The following MYO6 variants were observed in gnomAD, a reference collection of about 807,000 sequenced individuals.
MYO6 encodes unconventional myosin-VI.
Under a neutral mutation model 178.7 loss-of-function variants are expected in MYO6, and 74 were observed. The ratio of observed to expected loss-of-function variants is 0.41; its 90% CI spans 0.34 to 0.50. The LOEUF (loss-of-function observed/expected upper bound fraction) is 0.50. Among genes scored for constraint, MYO6 ranks in the 20% least tolerant of loss-of-function variants. The probability of loss-of-function intolerance (pLI) is 0.09; values close to 1 mark genes in which losing one functional copy is unlikely to be tolerated. For missense variants in MYO6, 1,330 were observed against 1,547.4 expected (o/e 0.86, Z 2.36); for synonymous variants, 477 against 504.6 (o/e 0.95, Z 0.73).
Position 75,851,674 on chromosome 6 carries a change from G to A in MYO6, c.1078+3143G>A, listed in dbSNP as rs1487766424. Among the ~76,000 whole-genome samples the A allele has an allele frequency of 9.3e-5, 14 of 150,530 alleles. No individual in the cohort carries two copies. The South Asian group carries it at 1.3e-3, about 14-fold the overall frequency. On this transcript the variant is annotated intron_variant, in intron 11 of 34. Coordinates refer to ENST00000369977, the MANE Select transcript of MYO6 (RefSeq NM_004999.4). ...AAACCCCCAAAACACACACACAAAC[G>A]CACACACACACACAAAATAAATTAG...
rs1774123009 is a variant in MYO6, at chr6:75,840,590, C to G, written c.559C>G (p.Pro187Ala). Residue 187 changes from proline to alanine, a missense_variant, in exon 8 of 35, where the codon CCA becomes GCA. By Grantham distance (27) the Pro-to-Ala change is conservative. Coordinates refer to ENST00000369977, the MANE Select transcript of MYO6 (RefSeq NM_004999.4). ...ATTTTTTTGTTTCTCAATAGCTAAC[C>G]CACTCCTAGAAGCCTTTGGAAATGC... ...DIDDRIVEAN[P>A]LLEAFGNAKT... 1 of 1,612,718 alleles carries G rather than the reference C, an allele frequency of 6.2e-7. No individual in the cohort carries two copies. The highest frequency in any genetic ancestry group is 8.5e-7 in the Non-Finnish European group (1 of 1,179,018).
chr6:75,884,252 A>G (rs1199465992), intron 23 of MYO6, among the ~76,000 whole-genome samples: 4 of 152,186 alleles, frequency 2.6e-5, no homozygotes, highest in Admixed American at 2.6e-4. Context: ...GAAGTTAAGT[A>G]GATTTCTTTG....
chr6:75,776,942 T>C (rs747363919), intron 1 of MYO6, among the ~76,000 whole-genome samples: 18 of 152,202 alleles, frequency 1.2e-4, no homozygotes, highest in Non-Finnish European at 1.9e-4. Flanking sequence ...CACCTTACTT[T>C]AAAAAATTAT....
In MYO6 at chr6:75,857,198, GT is replaced by G; in HGVS notation, c.1329del (p.Pro444LeufsTer12). On this transcript the variant is annotated frameshift_variant, in exon 13 of 35. Coordinates refer to ENST00000369977, the MANE Select transcript of MYO6 (RefSeq NM_004999.4). LOFTEE classifies it high-confidence loss of function. ...CATGTGGTAAACAGAGTAAATCAGT[GT>G]TTTCCTTTTGAAACATCATCCTATT... ...FDHVVNRVNQ[C>X]FPFETSSYFI... 6.2e-7 allele frequency: 1 copy of G among 1,613,944 alleles called. No individual in the cohort carries two copies.
chr6:75,854,807 T>G (rs1323300524), intron 11 of MYO6, among the ~76,000 whole-genome samples: 1 of 152,186 alleles, frequency 6.6e-6, no homozygotes, highest in East Asian at 1.9e-4. Flanking sequence ...GATGAGATAC[T>G]CTATTTCTCT....
chr6:75,805,002 C>T (rs200914050), intron 1 of MYO6, among the ~76,000 whole-genome samples: 714 of 63,986 alleles, frequency 0.011, 25 homozygotes, highest in African/African-American at 0.045. Flanking sequence ...TACACACACA[C>T]ATATATATAT....
At chr6:75,913,941 T>A (rs1478601087) in intron 33 of MYO6, 122 bp from the exon 34 acceptor site, 1 of 761,854 alleles carries the variant, frequency 1.3e-6, no homozygotes, top group African/African-American at 1.8e-5. Context: ...TTCATTTTGT[T>A]TTAAATTTAC....
chr6:75,761,846 T>A (rs1229705238), intron 1 of MYO6, among the ~76,000 whole-genome samples: 1 of 152,084 alleles, frequency 6.6e-6, no homozygotes, highest in East Asian at 1.9e-4. Flanking sequence ...AAGGTTTATG[T>A]CAGATGGGTT....
intron 1 of MYO6, among the ~76,000 whole-genome samples, chr6:75,802,513 T>G (rs1769584577): frequency 6.9e-6 from 1 of 145,396 alleles, no homozygotes; most frequent in Non-Finnish European, 1.5e-5. Context: ...AGACTGAGTC[T>G]CGCTCTGTCA....
chr6:75,825,687 G>A (rs1254927690), intron 3 of MYO6, among the ~76,000 whole-genome samples: 2 of 152,172 alleles, frequency 1.3e-5, no homozygotes, highest in Non-Finnish European at 2.9e-5. Context: ...CATATATTTA[G>A]AATTGATTGA....
intron 26 of MYO6, 128 bp from the exon 27 acceptor site, chr6:75,891,100 G>A (rs1778868908): frequency 3.5e-6 from 2 of 574,758 alleles, no homozygotes; most frequent in Non-Finnish European, 6.3e-6. Flanking sequence ...GTTGATGTAT[G>A]TGGCCAGGAG....
At chr6:75,756,965 ACACATATATAG>A (rs1777434102) in intron 1 of MYO6, among the ~76,000 whole-genome samples, 1 of 32,672 alleles carries the variant, frequency 3.1e-5, no homozygotes, top group South Asian at 1.0e-3. Flanking sequence ...ATATGTATAC[ACACATATATAG>A]TGTGTATATA....
In MYO6 at chr6:75,889,890, T is replaced by G. The variant is rs147945329; in HGVS notation, c.2659-167T>G. 3.5e-3 allele frequency among the ~76,000 whole-genome samples: 529 copies of G among 152,348 alleles called. 3 individuals carry two copies. Among genetic ancestry groups the G allele is most frequent in the Non-Finnish European group, 5.9e-3 (402 of 68,038 alleles). On this transcript the variant is annotated intron_variant, in intron 25 of 34. Coordinates refer to ENST00000369977, the MANE Select transcript of MYO6 (RefSeq NM_004999.4). ...CCATCTTACCTAGTTTTTGCTGTAT[T>G]TGCATATTGGAGTAGTTTTTTATTT... is the stretch of plus-strand genomic sequence containing the variant.
rs766119690 is a variant in MYO6 at position 75,841,250 on chromosome 6, C to A, written c.688C>A (p.Leu230Ile). ...VVGGFVSHYLLEKSRICVQGK... is the reference protein window; with the variant it reads ...VVGGFVSHYLIEKSRICVQGK... ...TGGAGGATTTGTTTCACATTATCTC[C>A]TAGAGAAATCTAGGATCTGTGTTCA... The change falls in exon 9 of 35, where the codon CTA becomes ATA. Residue 230 changes from leucine (L) to isoleucine (I), a missense_variant. Physicochemically the swap from Leu to Ile is conservative, Grantham distance 5. This residue lies in a region of MYO6 where 613 missense variants were observed against 816.8 expected (regional missense o/e 0.75). Transcript: ENST00000369977. The A allele has an allele frequency of 6.2e-7, 1 of 1,613,842 alleles. No individual in the cohort carries two copies. Among genetic ancestry groups the A allele is most frequent in the Admixed American group, 1.7e-5 (1 of 60,012 alleles).
At chr6:75,787,730 C>CTCTATATATATA (rs1767784406) in intron 1 of MYO6, among the ~76,000 whole-genome samples, 1 of 11,664 alleles carries the variant, frequency 8.6e-5, no homozygotes, top group Non-Finnish European at 1.5e-4. Context: ...CTCTCTCTCT[C>CTCTATATATATA]TATATATATA....
intron 1 of MYO6, among the ~76,000 whole-genome samples, chr6:75,781,874 C>T (rs1018788641): frequency 3.5e-5 from 5 of 141,616 alleles, no homozygotes; most frequent in Admixed American, 7.5e-5. Context: ...GCCGAGATCG[C>T]GCCACTGTAC....
rs911446832 is a variant in MYO6 at position 75,878,153 on chromosome 6, A to G, written c.2078-1667A>G. ...CAGAAATTAAATAGTACAGAATAAT[A>G]TAAGTAACAAGAAATCTCAGCTCTT... On this transcript the variant is annotated intron_variant, in intron 20 of 34. Transcript: ENST00000369977. Among the ~76,000 whole-genome samples the G allele has an allele frequency of 3.3e-5, 5 of 152,350 alleles. No homozygotes were observed. In the East Asian group the frequency reaches 7.7e-4, roughly 23 times the overall value.
rs73751753 is a variant in MYO6 at position 75,899,014 on chromosome 6, A to G, written c.3176+603A>G. Among the ~76,000 whole-genome samples the G allele has an allele frequency of 6.4e-4, 97 of 152,316 alleles. 2 individuals carry two copies. In the South Asian group the frequency reaches 0.01, roughly 16 times the overall value. On this transcript the variant is annotated intron_variant, in intron 30 of 34. Transcript: ENST00000369977. ...AACACTTAAAAATCAGTTTGCTACT[A>G]TTGTATTCTTTACATGATTGTCTTT...
chr6:75,822,893 A>G (rs748912921), intron 3 of MYO6, 42 bp downstream of exon 3: 5 of 1,477,546 alleles, frequency 3.4e-6, no homozygotes, highest in Non-Finnish European at 4.7e-6. Flanking sequence ...ACAGAAAAGG[A>G]GACTGTTCTT....
Sources: gnomAD v4.1 joint callset for allele counts (sites outside exome capture counted in the v4.1 genomes callset) on GRCh38, gnomAD v4.1.1 for gene constraint, gnomAD v4.1.1 regional missense constraint, MANE v1.5 for transcripts, NCBI Gene and HGNC (gene_info 2026-07-23, HGNC 2026-07-21) for gene names.